Variants in MALRD1 observed in about 807,000 individuals in gnomAD.
MALRD1 encodes MAM and LDL receptor class A domain containing 1.
MALRD1 carries 247 observed loss-of-function variants against 242.1 expected under a neutral mutation model. That is an observed-to-expected ratio of 1.02 (90% CI 0.92 to 1.13). The LOEUF (loss-of-function observed/expected upper bound fraction) is 1.13, where lower values mean the gene tolerates loss of function less well. Ranked by LOEUF, MALRD1 falls within the 50% of genes most tolerant of loss-of-function variation. The pLI is 0.00. For synonymous variants in MALRD1, 995 were observed against 866.6 expected (o/e 1.15, Z -2.60); for missense variants, 2,989 against 2,533.1 (o/e 1.18, Z -3.86).
At chr10:19,655,530 G>GTA (rs56752723) in intron 36 of MALRD1, among the ~76,000 whole-genome samples, 4,593 of 108,032 alleles carry the variant, frequency 0.043, 101 homozygotes, top group Non-Finnish European at 0.056. Context: ...ATGTGTGAGT[G>GTA]TATATATATA....
At chr10:19,582,255 T>G (rs1369702714) in intron 33 of MALRD1, among the ~76,000 whole-genome samples, 1 of 151,952 alleles carries the variant, frequency 6.6e-6, no homozygotes, top group African/African-American at 2.4e-5. Flanking sequence ...TTTTGTCTTT[T>G]GTTGCCATTG....
chr10:19,133,835 G>A lies in MALRD1; in HGVS notation c.1111-21G>A, dbSNP rs1833214346. On this transcript the variant is annotated intron_variant, in intron 8 of 39. Transcript: ENST00000454679. ...GATTAGAATACGGGTAATGAGTGATGTCTTTCTCTTCAAATCAAAGGAAGA... is the reference window on the plus strand; with the variant it reads ...GATTAGAATACGGGTAATGAGTGATATCTTTCTCTTCAAATCAAAGGAAGA... 2.7e-6 allele frequency: 3 copies of A among 1,125,264 alleles called. No individual in the cohort carries two copies. The South Asian group carries it at 1.4e-4, about 51-fold the overall frequency. 69.7% of individuals were successfully genotyped at this position (1,125,264 alleles called of 1,614,324 possible). A position where few individuals can be genotyped will look rare whatever the true frequency, so the allele number is the denominator to read the frequency against.
At chr10:19,545,802 T>C (rs1831433183) in intron 32 of MALRD1, among the ~76,000 whole-genome samples, 1 of 152,212 alleles carries the variant, frequency 6.6e-6, no homozygotes. Context: ...TCACGACGTT[T>C]TCAGCTTTTA....
At position 19,209,520 on chromosome 10, in the gene MALRD1, G is replaced by A. The variant is rs534742900; in HGVS notation, c.2831G>A (p.Arg944His). The A allele has an allele frequency of 5.2e-6, 8 of 1,550,686 alleles. No individual in the cohort carries two copies. The highest frequency in any genetic ancestry group is 3.9e-5 in the Admixed American group (2 of 50,982). The change falls in exon 18 of 40, where the codon CGC (arginine) becomes CAC (histidine). Residue 944 changes from arginine (R) to histidine (H), a missense_variant. Coordinates refer to ENST00000454679, the MANE Select transcript of MALRD1 (RefSeq NM_001142308.3). ...ACTGATACAAAAGGCTGCACCTTCC[G>A]CTTCTATTACCACATGTTTGGAAAG... Reference protein sequence around the residue: ...NATDTKGCTFRFYYHMFGKRI... With the variant: ...NATDTKGCTFHFYYHMFGKRI...
intron 31 of MALRD1, among the ~76,000 whole-genome samples, chr10:19,506,164 G>T (rs1037043599): frequency 2.6e-5 from 4 of 152,190 alleles, no homozygotes; most frequent in African/African-American, 9.6e-5. Flanking sequence ...ACAGAAGTCT[G>T]TTGGGAAAAC....
chr10:19,126,934 G>A lies in MALRD1; in HGVS notation c.944-1287G>A, dbSNP rs1453281638. Among the ~76,000 whole-genome samples the A allele has an allele frequency of 2.6e-5, 4 of 152,002 alleles. 1 individual carries two copies. The highest frequency in any genetic ancestry group is 7.2e-5 in the African/African-American group (3 of 41,380). On this transcript the variant is annotated intron_variant, in intron 7 of 39. Coordinates refer to ENST00000454679, the MANE Select transcript of MALRD1 (RefSeq NM_001142308.3). ...TCCCCTCACCCCTCAACAGTCCCCA[G>A]TGTGTGTTGTTCCCCTTCCCTGTGT... is the stretch of plus-strand genomic sequence containing the variant.
At chr10:19,666,140 A>G (rs1424838311) in intron 36 of MALRD1, among the ~76,000 whole-genome samples, 1 of 152,106 alleles carries the variant, frequency 6.6e-6, no homozygotes, top group Non-Finnish European at 1.5e-5. Flanking sequence ...GCTACTCCTC[A>G]TAGTTCCTGG....
chr10:19,279,339 G>T (rs970305434), intron 19 of MALRD1, among the ~76,000 whole-genome samples: 4 of 152,132 alleles, frequency 2.6e-5, no homozygotes, highest in Non-Finnish European at 5.9e-5. Flanking sequence ...CACACAACCC[G>T]TTCTGGGACT....
chr10:19,475,460 C>T (rs935130117), intron 29 of MALRD1, among the ~76,000 whole-genome samples: 6 of 152,070 alleles, frequency 3.9e-5, no homozygotes, highest in Admixed American at 6.6e-5. Flanking sequence ...TTTTTTGTAG[C>T]TTTGTTAACA....
chr10:19,678,487 T>C (rs1353879322), intron 36 of MALRD1, among the ~76,000 whole-genome samples: 2 of 152,200 alleles, frequency 1.3e-5, no homozygotes, highest in Non-Finnish European at 1.5e-5. Context: ...TGTTGTTGTA[T>C]AGGAATGCTT....
intron 39 of MALRD1, among the ~76,000 whole-genome samples, chr10:19,732,863 G>A (rs1430979624): frequency 6.6e-6 from 1 of 152,150 alleles, no homozygotes; most frequent in African/African-American, 2.4e-5. Context: ...GTGTGGTGGT[G>A]TAATGGATGA....
chr10:19,482,367 T>TA (rs928742149), intron 29 of MALRD1, among the ~76,000 whole-genome samples: 9 of 151,578 alleles, frequency 5.9e-5, no homozygotes, highest in Non-Finnish European at 1.0e-4. Flanking sequence ...ATTAAAAAGC[T>TA]AAAAAAAAGT....
At chr10:19,407,287 T>C (rs1833070398) in intron 28 of MALRD1, among the ~76,000 whole-genome samples, 1 of 152,036 alleles carries the variant, frequency 6.6e-6, no homozygotes, top group South Asian at 2.1e-4. Context: ...TTGGGAAACA[T>C]AGGCAGACCC....
At chr10:19,399,624 C>G (rs1304673328) in intron 28 of MALRD1, among the ~76,000 whole-genome samples, 4 of 152,064 alleles carry the variant, frequency 2.6e-5, no homozygotes, top group African/African-American at 9.7e-5. Flanking sequence ...CTCTTGTATG[C>G]ATTGATAAAA....
chr10:19,216,056 A>T (rs1465518685), intron 18 of MALRD1, among the ~76,000 whole-genome samples: 1 of 151,276 alleles, frequency 6.6e-6, no homozygotes, highest in East Asian at 1.9e-4. Flanking sequence ...GAAAAATAAG[A>T]GTAGCTTCTG....
At chr10:19,550,597 T>A (rs1412757325) in intron 32 of MALRD1, among the ~76,000 whole-genome samples, 1 of 152,122 alleles carries the variant, frequency 6.6e-6, no homozygotes, top group African/African-American at 2.4e-5. Context: ...CATGCGGTAT[T>A]TGGTTTTCTG....
At chr10:19,287,290 A>C (rs1841172106) in intron 21 of MALRD1, among the ~76,000 whole-genome samples, 1 of 152,064 alleles carries the variant, frequency 6.6e-6, no homozygotes, top group African/African-American at 2.4e-5. Flanking sequence ...TTTATAAAAG[A>C]ATATATAGTC....
At chr10:19,200,450 G>A (rs1008663406) in intron 14 of MALRD1, among the ~76,000 whole-genome samples, 3 of 152,106 alleles carry the variant, frequency 2.0e-5, no homozygotes, top group African/African-American at 7.2e-5. Flanking sequence ...TTCCTCCTAT[G>A]AATGTTTAAA....
intron 18 of MALRD1, among the ~76,000 whole-genome samples, chr10:19,238,554 ATATT>A: frequency 2.4e-5 from 2 of 82,928 alleles, no homozygotes; most frequent in Non-Finnish European, 4.8e-5. Context: ...TATATAATGT[ATATT>A]ATATATAATA....
Sources: allele counts gnomAD v4.1 joint callset (sites outside exome capture counted in the v4.1 genomes callset), GRCh38; gene constraint gnomAD v4.1.1; transcripts MANE v1.5; gene names NCBI Gene and HGNC (gene_info 2026-07-23, HGNC 2026-07-21).